The following SCAMP4 variants were observed in gnomAD, a reference collection of about 807,000 sequenced individuals.
SCAMP4 encodes secretory carrier-associated membrane protein 4.
SCAMP4 carries 19 observed loss-of-function variants against 32.1 expected under a neutral mutation model. The observed-to-expected ratio is 0.59, with a 90% CI of 0.41 to 0.87. SCAMP4 has a LOEUF of 0.87. Ranked by LOEUF, SCAMP4 falls within the 40% of genes least tolerant of loss-of-function variation. The probability of loss-of-function intolerance (pLI) is 0.00; values close to 1 mark genes in which losing one functional copy is unlikely to be tolerated. For synonymous variants in SCAMP4, 152 were observed against 132.7 expected, an observed-to-expected ratio of 1.15 and a Z score of -1.00; for missense variants, 302 against 309.0, an observed-to-expected ratio of 0.98 and a Z score of 0.17.
Position 1,924,572 on chromosome 19 carries a change from G to C in SCAMP4, c.*288G>C. On this transcript the variant is annotated 3_prime_UTR_variant, in exon 7 of 7. Coordinates refer to ENST00000316097, the MANE Select transcript of SCAMP4 (RefSeq NM_079834.4). ...TGTGGTCACCCGCCGTCCACTGCAC[G>C]GCTGGTACGGCCTTGTCTTCAGGTC... 2.2e-6 allele frequency: 1 copy of C among 446,740 alleles called. No individual in the cohort carries two copies. Among genetic ancestry groups the C allele is most frequent in the Non-Finnish European group, 4.2e-6 (1 of 238,184 alleles). 27.7% of individuals were successfully genotyped at this position (446,740 alleles called of 1,614,324 possible). A position where few individuals can be genotyped will look rare whatever the true frequency, so the allele number is the denominator to read the frequency against.
At chr19:1,911,284 G>GT (rs753608513) in intron 1 of SCAMP4, among the ~76,000 whole-genome samples, 1 of 152,042 alleles carries the variant, frequency 6.6e-6, no homozygotes, top group Non-Finnish European at 1.5e-5. Context: ...TGCTCCTCCT[G>GT]TTTCAGCTTC....
intron 1 of SCAMP4, among the ~76,000 whole-genome samples, chr19:1,911,509 G>A (rs2013445972): frequency 6.6e-6 from 1 of 152,302 alleles, no homozygotes; most frequent in South Asian, 2.1e-4. Flanking sequence ...GTCTTGGCTG[G>A]GCGCAGTGAC....
chr19:1,915,834 T>G (rs577908405), intron 2 of SCAMP4, among the ~76,000 whole-genome samples: 1 of 151,812 alleles, frequency 6.6e-6, no homozygotes, highest in Non-Finnish European at 1.5e-5. Flanking sequence ...TAGTCCCAGC[T>G]ACTCGAGAGG....
intron 1 of SCAMP4, chr19:1,913,372 C>G (rs2013605303): frequency 1.5e-6 from 1 of 676,154 alleles, no homozygotes; most frequent in Admixed American, 3.2e-5. Flanking sequence ...TGCGGCCGCC[C>G]TTGCTGCGTT....
intron 1 of SCAMP4, chr19:1,913,207 T>C: frequency 6.8e-7 from 1 of 1,461,082 alleles, no homozygotes; most frequent in Non-Finnish European, 9.0e-7. Flanking sequence ...GCGCCCCTCC[T>C]GGACTTCCGG....
intron 5 of SCAMP4, 110 bp from the exon 6 acceptor site, chr19:1,922,960 A>G (rs2013966601): frequency 7.2e-7 from 1 of 1,389,160 alleles, no homozygotes; most frequent in African/African-American, 1.5e-5. Flanking sequence ...TGAGCTGTCC[A>G]CTCCTTGTTG....
Position 1,908,497 on chromosome 19 carries a change from C to T in SCAMP4, c.-42+3058C>T, listed in dbSNP as rs759500092. 24 of 470,974 alleles carry T rather than the reference C, an allele frequency of 5.1e-5. No individual in the cohort carries two copies. The highest frequency in any genetic ancestry group is 3.4e-4 in the South Asian group (22 of 64,558). 29.2% of individuals were successfully genotyped at this position (470,974 alleles called of 1,614,324 possible). On this transcript the variant is annotated intron_variant, in intron 1 of 6. Coordinates refer to ENST00000316097, the MANE Select transcript of SCAMP4 (RefSeq NM_079834.4). This position sits in a 1 kb window ranked among gnomAD's most constrained non-coding sequence, Gnocchi z 4.2. ...ACACATCCCTGTCTGCGGGAGGAGC[C>T]GTCCATACCAGCGGGGATGTGTAGT...
In SCAMP4 at chr19:1,918,746, A is replaced by C. The variant is rs1362186871; in HGVS notation, c.294-143A>C. The C allele has an allele frequency of 3.2e-6, 4 of 1,259,568 alleles. No homozygotes were observed. In the African/African-American group the frequency reaches 6.2e-5, roughly 19 times the overall value. The allele number at this position is 1,259,568 out of a possible 1,614,324, so 78.0% of individuals were successfully genotyped here. ...CACTGCTCTCCAGCCTGGGCGACAGAGTGAGACTCCATCTCAAAAAAAAAA... is the reference window on the plus strand; with the variant it reads ...CACTGCTCTCCAGCCTGGGCGACAGCGTGAGACTCCATCTCAAAAAAAAAA... On this transcript the variant is annotated intron_variant, in intron 4 of 6. Coordinates refer to ENST00000316097, the MANE Select transcript of SCAMP4 (RefSeq NM_079834.4).
chr19:1,924,635 G>T lies in SCAMP4; in HGVS notation c.*351G>T. The T allele has an allele frequency of 3.4e-6, 1 of 294,686 alleles. No homozygotes were observed. The highest frequency in any genetic ancestry group is 4.0e-5 in the Admixed American group (1 of 24,810). The allele number at this position is 294,686 out of a possible 1,614,324, so 18.3% of individuals were successfully genotyped here. ...TCCGGGGGACAGGTGGCAGCAGGTC[G>T]GCCGCCCTCCCGTCCTCCCAGAGCT... On this transcript the variant is annotated 3_prime_UTR_variant, in exon 7 of 7. Coordinates refer to ENST00000316097, the MANE Select transcript of SCAMP4 (RefSeq NM_079834.4).
At chr19:1,910,573 G>GTTTTTT in intron 1 of SCAMP4, among the ~76,000 whole-genome samples, 1 of 126,822 alleles carries the variant, frequency 7.9e-6, no homozygotes, top group Non-Finnish European at 1.6e-5. Flanking sequence ...TTTTTGAGGT[G>GTTTTTT]TCTTTTTTTT....
At chr19:1,909,663 G>A (rs1041587511) in intron 1 of SCAMP4, among the ~76,000 whole-genome samples, 1 of 152,188 alleles carries the variant, frequency 6.6e-6, no homozygotes, top group Non-Finnish European at 1.5e-5. Flanking sequence ...GTTCTCACCC[G>A]AGAGCCGCCT....
At chr19:1,919,117 G>T in intron 5 of SCAMP4, 127 bp downstream of exon 5, 1 of 1,498,138 alleles carries the variant, frequency 6.7e-7, no homozygotes, top group Non-Finnish European at 8.9e-7. Flanking sequence ...CCTAGGGAGG[G>T]GTCTGAGCTC....
Position 1,914,268 on chromosome 19 carries a change from C to T in SCAMP4, c.-41-711C>T, listed in dbSNP as rs142188557. 4.4e-3 allele frequency among the ~76,000 whole-genome samples: 666 copies of T among 152,274 alleles called. 5 individuals are homozygous for T. The highest frequency in any genetic ancestry group is 0.015 in the African/African-American group (635 of 41,560). On this transcript the variant is annotated intron_variant, in intron 1 of 6. Transcript: ENST00000316097. ...CAAGAGCCAGGGGTGCCCCACCCCA[C>T]GGTGACATGTTCCTGAACGGGTTGT... is the stretch of plus-strand genomic sequence containing the variant.
chr19:1,918,826 C>T, intron 4 of SCAMP4, 63 bp from the exon 5 acceptor site: 1 of 1,556,374 alleles, frequency 6.4e-7, no homozygotes, highest in Admixed American at 2.0e-5. Context: ...GCCCGTTCCT[C>T]TCTAGGCGCG....
chr19:1,913,141 CCGA>C, intron 1 of SCAMP4: 1 of 1,558,042 alleles, frequency 6.4e-7, no homozygotes, highest in East Asian at 2.4e-5. Flanking sequence ...TGGCTGGACC[CCGA>C]CACGTAGGCG....
intron 1 of SCAMP4, among the ~76,000 whole-genome samples, chr19:1,907,665 C>T (rs1291222982): frequency 6.6e-6 from 1 of 152,142 alleles, no homozygotes; most frequent in Admixed American, 6.6e-5. Flanking sequence ...GACTCACCTG[C>T]CTGGAGCTAT....
chr19:1,922,187 G>A, intron 5 of SCAMP4: 2 of 985,492 alleles, frequency 2.0e-6, no homozygotes, highest in Non-Finnish European at 2.4e-6. Context: ...CCAGAGGCTG[G>A]TCCTGCACAG....
At chr19:1,918,050 C>T (rs2013791849) in intron 3 of SCAMP4, 77 bp from the exon 4 acceptor site, 1 of 1,526,636 alleles carries the variant, frequency 6.6e-7, no homozygotes. Flanking sequence ...ACAGCGGGTG[C>T]CCCATTGCTG....
rs1406969673 is a variant in SCAMP4, at chr19:1,924,825, C to T, written c.*541C>T. ...TGGTGCCTAGCTGAGTCCTCGCTGT[C>T]CCCGCCATCCCCTGATCTGTGCGGC... is the stretch of plus-strand genomic sequence containing the variant. On this transcript the variant is annotated 3_prime_UTR_variant, in exon 7 of 7. Transcript: ENST00000316097. The T allele has an allele frequency of 1.2e-5, 2 of 172,740 alleles. No homozygotes were observed. The highest frequency in any genetic ancestry group is 2.3e-5 in the African/African-American group (1 of 42,574). The allele number at this position is 172,740 out of a possible 1,614,324, so 10.7% of individuals were successfully genotyped here.
Sources: gnomAD v4.1 joint callset for allele counts (sites outside exome capture counted in the v4.1 genomes callset) on GRCh38, gnomAD v4.1.1 for gene constraint, Gnocchi (gnomAD v3.1) non-coding constraint, MANE v1.5 for transcripts, NCBI Gene and HGNC (gene_info 2026-07-23, HGNC 2026-07-21) for gene names.